Variants in TMEM45B observed in about 807,000 individuals in gnomAD.
TMEM45B encodes the protein transmembrane protein 45B.
Under a neutral mutation model 27.3 loss-of-function variants are expected in TMEM45B, and 29 were observed. That is an observed-to-expected ratio of 1.06 (90% confidence interval 0.79 to 1.45). TMEM45B has a LOEUF of 1.45. TMEM45B is among the 40% of genes most tolerant of loss of function. TMEM45B has a pLI of 0.00. For synonymous variants in TMEM45B, 143 were observed against 134.7 expected (o/e 1.06, Z -0.43); for missense variants, 348 against 343.9 (o/e 1.01, Z -0.09).
At chr11:129,837,585 C>CTTTTGTTTTTTTTTTTTTTTTTTTT (rs1363107158) in intron 1 of TMEM45B, among the ~76,000 whole-genome samples, 2 of 80,294 alleles carry the variant, frequency 2.5e-5, no homozygotes, top group Non-Finnish European at 4.9e-5. Flanking sequence ...CTGCACTGGG[C>CTTTTGTTTTTTTTTTTTTTTTTTTT]TTTTTTTTTT....
At chr11:129,845,348 TG>T (rs1947747296) in intron 1 of TMEM45B, among the ~76,000 whole-genome samples, 1 of 140,618 alleles carries the variant, frequency 7.1e-6, no homozygotes, top group African/African-American at 3.1e-5. Context: ...TGTGTGTGTG[TG>T]TGTGTGTGTG....
chr11:129,815,888 G>C lies in TMEM45B; in HGVS notation c.-19G>C, dbSNP rs756046288. 4.2e-5 allele frequency: 55 copies of C among 1,302,508 alleles called. No homozygotes were observed. Among genetic ancestry groups the C allele is most frequent in the Non-Finnish European group, 5.2e-5 (54 of 1,033,636 alleles). 80.7% of individuals were successfully genotyped at this position (1,302,508 alleles called of 1,614,324 possible). A position where few individuals can be genotyped will look rare whatever the true frequency, so the allele number is the denominator to read the frequency against. On this transcript the variant is annotated 5_prime_UTR_variant, in exon 1 of 6. Transcript: ENST00000281441. ...CGCGGGCTGCAGACGGCTGCGAGGCGCTGGGCACAGGTCAGACGTCCGTAC... is the reference window on the plus strand; with the variant it reads ...CGCGGGCTGCAGACGGCTGCGAGGCCCTGGGCACAGGTCAGACGTCCGTAC...
At chr11:129,825,714 C>T (rs1369946015) in intron 1 of TMEM45B, among the ~76,000 whole-genome samples, 1 of 152,104 alleles carries the variant, frequency 6.6e-6, no homozygotes, top group Non-Finnish European at 1.5e-5. Context: ...TGAACAAGCC[C>T]ACTGGTAGTG....
At chr11:129,834,974 C>A (rs1409798555) in intron 1 of TMEM45B, among the ~76,000 whole-genome samples, 3 of 152,098 alleles carry the variant, frequency 2.0e-5, no homozygotes, top group African/African-American at 7.2e-5. Context: ...GAAAGATAGA[C>A]CTTGTTATAA....
intron 1 of TMEM45B, among the ~76,000 whole-genome samples, chr11:129,842,362 G>A (rs908567949): frequency 6.6e-6 from 1 of 152,146 alleles, no homozygotes; most frequent in Non-Finnish European, 1.5e-5. Flanking sequence ...GAAGGACAAA[G>A]CCAGAAGCAT....
rs1313409077 is a variant in TMEM45B at position 129,859,196 on chromosome 11, C to T, written c.*511C>T. 2 of 152,212 alleles carry T rather than the reference C, an allele frequency of 1.3e-5. No individual in the cohort carries two copies. Among genetic ancestry groups the T allele is most frequent in the African/African-American group, 2.4e-5 (1 of 41,424 alleles). 9.4% of individuals were successfully genotyped at this position (152,212 alleles called of 1,614,324 possible). ...TATTTTTTGAAAGTAAAATAATTCA[C>T]AAGCTTTGGTATTTTAAAATTATTG... On this transcript the variant is annotated 3_prime_UTR_variant, in exon 6 of 6. Transcript: ENST00000281441.
chr11:129,850,549 G>C (rs913224541), intron 1 of TMEM45B: 2 of 152,090 alleles, frequency 1.3e-5, no homozygotes, highest in Non-Finnish European at 2.9e-5. Flanking sequence ...AAATATCCTA[G>C]GTCATCATTC....
rs1947964044 is a variant in TMEM45B at position 129,858,605 on chromosome 11, G to T, written c.748G>T (p.Gly250Ter). Reference protein sequence around the residue: ...LLTRMKRHGRGEIIGIQKLNS... With the variant: ...LLTRMKRHGR ...GACTCGGATGAAGAGACACGGAAGG[G>T]GAGAAATCATTGGAATTCAGAAGCT... is the stretch of plus-strand genomic sequence containing the variant. The change falls in exon 6 of 6, where the codon GGA becomes TGA. Residue 250 changes from glycine (G) to a stop codon, truncating the protein, a stop_gained. Coordinates refer to ENST00000281441, the MANE Select transcript of TMEM45B (RefSeq NM_138788.5). LOFTEE classifies it high-confidence loss of function. 2 of 1,588,630 alleles carry T rather than the reference G, an allele frequency of 1.3e-6. No homozygotes were observed. The highest frequency in any genetic ancestry group is 4.5e-5 in the East Asian group (2 of 44,382).
intron 1 of TMEM45B, among the ~76,000 whole-genome samples, chr11:129,833,700 A>C (rs915328366): frequency 6.6e-6 from 1 of 151,918 alleles, no homozygotes; most frequent in Non-Finnish European, 1.5e-5. Context: ...ACTTGAACCC[A>C]GAAGGCGGAG....
intron 1 of TMEM45B, among the ~76,000 whole-genome samples, chr11:129,851,917 G>A (rs539721018): frequency 6.6e-6 from 1 of 152,252 alleles, no homozygotes; most frequent in Admixed American, 6.5e-5. Context: ...AAATGATGTT[G>A]TGCTTTCGTT....
Position 129,822,303 on chromosome 11 carries a change from C to T in TMEM45B, c.-9+6405C>T, listed in dbSNP as rs573258987. Among the ~76,000 whole-genome samples the T allele has an allele frequency of 5.3e-5, 8 of 152,254 alleles. No homozygotes were observed. The East Asian group carries it at 1.5e-3, about 29-fold the overall frequency. ...CATTTTAGAAGTTTTCTTCAGCTAC[C>T]TACAATGTCTGTGTCTATTTTTAAA... is the stretch of plus-strand genomic sequence containing the variant. On this transcript the variant is annotated intron_variant, in intron 1 of 5. Coordinates refer to ENST00000281441, the MANE Select transcript of TMEM45B (RefSeq NM_138788.5).
At chr11:129,856,011 C>A in intron 4 of TMEM45B, 119 bp downstream of exon 4, 2 of 1,222,240 alleles carry the variant, frequency 1.6e-6, no homozygotes, top group Non-Finnish European at 2.3e-6. Flanking sequence ...ACATGCCATG[C>A]AAAGGGGTTT....
chr11:129,835,488 T>C (rs138749983), intron 1 of TMEM45B, among the ~76,000 whole-genome samples: 152 of 152,150 alleles, frequency 1.0e-3, no homozygotes, highest in African/African-American at 3.4e-3. Flanking sequence ...TAGGAAGAAA[T>C]GAAGGAAGAT....
At chr11:129,825,322 A>C (rs1947465241) in intron 1 of TMEM45B, among the ~76,000 whole-genome samples, 1 of 152,194 alleles carries the variant, frequency 6.6e-6, no homozygotes, top group Admixed American at 6.5e-5. Context: ...AATGACTCCC[A>C]AGATTCTGGC....
At chr11:129,820,583 A>G (rs1297086194) in intron 1 of TMEM45B, among the ~76,000 whole-genome samples, 1 of 152,220 alleles carries the variant, frequency 6.6e-6, no homozygotes, top group Non-Finnish European at 1.5e-5. Flanking sequence ...GGCTGGGTCT[A>G]TAATTCTCCA....
At chr11:129,818,110 C>T (rs1947374112) in intron 1 of TMEM45B, among the ~76,000 whole-genome samples, 1 of 152,218 alleles carries the variant, frequency 6.6e-6, no homozygotes, top group South Asian at 2.1e-4. Context: ...CCTCCTCACA[C>T]TTTCTTTGAA....
At chr11:129,845,030 A>T (rs2135586318) in intron 1 of TMEM45B, among the ~76,000 whole-genome samples, 1 of 152,302 alleles carries the variant, frequency 6.6e-6, no homozygotes, top group Non-Finnish European at 1.5e-5. Context: ...TAAATATCAA[A>T]GAATATATAT....
chr11:129,828,341 C>G (rs1257226600), intron 1 of TMEM45B: 2 of 152,234 alleles, frequency 1.3e-5, no homozygotes, highest in East Asian at 3.9e-4. Context: ...TGGTCTTACT[C>G]CTTCTGACCG....
At chr11:129,855,496 G>A (rs1409345854) in intron 3 of TMEM45B, among the ~76,000 whole-genome samples, 1 of 152,084 alleles carries the variant, frequency 6.6e-6, no homozygotes, top group Admixed American at 6.6e-5. Context: ...CCCCACCATG[G>A]GTTCCATAGA....
Sources: allele counts gnomAD v4.1 joint callset (sites outside exome capture counted in the v4.1 genomes callset), GRCh38; gene constraint gnomAD v4.1.1; transcripts MANE v1.5; gene names NCBI Gene and HGNC (gene_info 2026-07-23, HGNC 2026-07-21).